Variants in ZMYM4 observed in about 807,000 individuals in gnomAD.
The protein encoded by ZMYM4 is zinc finger MYM-type containing 4.
A neutral mutation model predicts 183.2 loss-of-function variants in ZMYM4; 31 were observed. The ratio of observed to expected loss-of-function variants is 0.17; its 90% CI spans 0.13 to 0.23. The LOEUF is 0.23. Ranked by LOEUF, ZMYM4 falls within the 10% of genes least tolerant of loss-of-function variation. The pLI, the probability that ZMYM4 is intolerant of heterozygous loss-of-function variation, is 1.00. For missense variants in ZMYM4, 1,273 were observed against 1,840.3 expected, an observed-to-expected ratio of 0.69 and a Z score of 5.64; for synonymous variants, 592 against 631.2, an observed-to-expected ratio of 0.94 and a Z score of 0.93.
At chr1:35,356,295 T>G (rs940956269) in intron 2 of ZMYM4, among the ~76,000 whole-genome samples, 2 of 152,232 alleles carry the variant, frequency 1.3e-5, no homozygotes, top group African/African-American at 4.8e-5. Flanking sequence ...TATTGACTTC[T>G]CATGCACTAT....
rs1643884043 is a variant in ZMYM4 at position 35,358,941 on chromosome 1, T to C, written c.102T>C (p.Asp34=). The C allele has an allele frequency of 6.2e-7, 1 of 1,612,258 alleles. No homozygotes were observed. The highest frequency in any genetic ancestry group is 1.1e-5 in the South Asian group (1 of 91,024). Residue 34 remains aspartate (D), a synonymous_variant, in exon 3 of 30, where the codon GAT becomes GAC. Coordinates refer to ENST00000314607, the MANE Select transcript of ZMYM4 (RefSeq NM_005095.3). ...CTTTTTAAGGTGGTGGTATCATGGA[T>C]ACAGAAATGTCTGAAGATATAGACC... ...EIVENCGGIM[D]TEMSEDIDHN... is the part of the protein sequence containing the mutation.
chr1:35,379,137 AT>A (rs1398496410), intron 7 of ZMYM4, among the ~76,000 whole-genome samples: 1 of 152,022 alleles, frequency 6.6e-6, no homozygotes, highest in Non-Finnish European at 1.5e-5. Context: ...GTGTCTCTCT[AT>A]CACCCAGGCT....
At chr1:35,372,455 C>T (rs1427479470) in intron 7 of ZMYM4, among the ~76,000 whole-genome samples, 1 of 152,062 alleles carries the variant, frequency 6.6e-6, no homozygotes, top group African/African-American at 2.4e-5. Flanking sequence ...ATGTATTGTA[C>T]AATATGGTGA....
intron 5 of ZMYM4, among the ~76,000 whole-genome samples, chr1:35,366,881 G>A (rs914037460): frequency 2.6e-5 from 4 of 152,028 alleles, no homozygotes; most frequent in Non-Finnish European, 5.9e-5. Flanking sequence ...GAAATTAGCC[G>A]GGCGTGGTGG....
chr1:35,416,438 A>G (rs1640115044), intron 28 of ZMYM4, among the ~76,000 whole-genome samples: 1 of 152,214 alleles, frequency 6.6e-6, no homozygotes, highest in Non-Finnish European at 1.5e-5. Context: ...GTGATGTTCA[A>G]CTTTGTATAA....
chr1:35,271,135 C>T (rs554068852), intron 1 of ZMYM4, among the ~76,000 whole-genome samples: 1 of 152,262 alleles, frequency 6.6e-6, no homozygotes, highest in South Asian at 2.1e-4. Context: ...TGAAAATATA[C>T]AGGGTAAATT....
intron 13 of ZMYM4, among the ~76,000 whole-genome samples, chr1:35,387,977 A>G (rs575835483): frequency 6.6e-6 from 1 of 152,208 alleles, no homozygotes; most frequent in Non-Finnish European, 1.5e-5. Context: ...ATTGTCTTAA[A>G]CAGCCATTAT....
intron 1 of ZMYM4, among the ~76,000 whole-genome samples, chr1:35,272,484 A>G (rs920386169): frequency 6.6e-6 from 1 of 152,174 alleles, no homozygotes; most frequent in South Asian, 2.1e-4. Flanking sequence ...TGTGACCTCT[A>G]CACAGTAGGA....
chr1:35,385,361 G>A, intron 9 of ZMYM4, 81 bp from the exon 10 acceptor site: 1 of 1,375,034 alleles, frequency 7.3e-7, no homozygotes, highest in Non-Finnish European at 9.9e-7. Flanking sequence ...TATTTCAAAA[G>A]TGTTGAGTAT....
chr1:35,376,176 A>G (rs1173706828), intron 7 of ZMYM4, among the ~76,000 whole-genome samples: 1 of 152,228 alleles, frequency 6.6e-6, no homozygotes, highest in Non-Finnish European at 1.5e-5. Flanking sequence ...TGATATTCAA[A>G]GAAGTAACAC....
At chr1:35,408,542 AG>A (rs1375528648) in intron 26 of ZMYM4, among the ~76,000 whole-genome samples, 1 of 152,262 alleles carries the variant, frequency 6.6e-6, no homozygotes, top group Admixed American at 6.5e-5. Flanking sequence ...ATGCAAGACC[AG>A]CCTGGGCAAC....
intron 2 of ZMYM4, among the ~76,000 whole-genome samples, chr1:35,347,169 C>G (rs2148874590): frequency 6.6e-6 from 1 of 152,296 alleles, no homozygotes; most frequent in Non-Finnish European, 1.5e-5. Context: ...CCACACCTGG[C>G]TAATTACTTG....
At chr1:35,305,033 A>T (rs765482998) in intron 1 of ZMYM4, among the ~76,000 whole-genome samples, 15 of 152,066 alleles carry the variant, frequency 9.9e-5, no homozygotes, top group South Asian at 2.1e-4. Flanking sequence ...TTTAGTAGAG[A>T]TGGGGTTTCA....
intron 1 of ZMYM4, among the ~76,000 whole-genome samples, chr1:35,281,073 A>G (rs964990985): frequency 5.9e-5 from 9 of 152,194 alleles, no homozygotes; most frequent in African/African-American, 2.2e-4. Context: ...ACACGAGGTC[A>G]GGAGATCGAG....
At chr1:35,351,266 T>C in intron 2 of ZMYM4, 8 of 1,580,930 alleles carry the variant, frequency 5.1e-6, no homozygotes, top group South Asian at 4.4e-5. Context: ...TCCCTGGTTA[T>C]GATTCTGAAA....
chr1:35,331,801 A>AATAC (rs1047149357), intron 2 of ZMYM4, among the ~76,000 whole-genome samples: 3 of 129,058 alleles, frequency 2.3e-5, no homozygotes, highest in Admixed American at 7.6e-5. Context: ...AAAATACATA[A>AATAC]ATAAATAAAT....
intron 25 of ZMYM4, among the ~76,000 whole-genome samples, chr1:35,407,346 C>G (rs1645021621): frequency 6.6e-6 from 1 of 151,340 alleles, no homozygotes; most frequent in Non-Finnish European, 1.5e-5. Context: ...ATAGGAGAAT[C>G]ACTTGAACCC....
Position 35,293,161 on chromosome 1 carries a change from C to T in ZMYM4, c.39+24076C>T, listed in dbSNP as rs185373869. Among the ~76,000 whole-genome samples the T allele has an allele frequency of 1.1e-4, 17 of 151,880 alleles. No individual in the cohort carries two copies. In the East Asian group the frequency reaches 2.5e-3, roughly 23 times the overall value. On this transcript the variant is annotated intron_variant, in intron 1 of 29. Transcript: ENST00000314607. ...GACTATAGGTACCTGCCACCATGCTCGGCTAATTTTTTTTTCTATTTGTTG... is the reference window on the plus strand; with the variant it reads ...GACTATAGGTACCTGCCACCATGCTTGGCTAATTTTTTTTTCTATTTGTTG...
At position 35,371,106 on chromosome 1, in the gene ZMYM4, T is replaced by C. The variant is rs1024774697; in HGVS notation, c.1181+479T>C. Among the ~76,000 whole-genome samples, 93 of 97,582 alleles carry C rather than the reference T, an allele frequency of 9.5e-4. No homozygotes were observed. In the East Asian group the frequency reaches 0.013, roughly 14 times the overall value. The allele number at this position is 97,582 out of a possible 152,430, so 64.0% of individuals were successfully genotyped here. A position where few individuals can be genotyped will look rare whatever the true frequency, so the allele number is the denominator to read the frequency against. The stretch of plus-strand genomic sequence containing the variant: ...GTGTGTGTGTGTGTGTGTGTGTGTG[T>C]GCGCACATTTATTTATTTATTTATT... On this transcript the variant is annotated intron_variant, in intron 7 of 29. Coordinates refer to ENST00000314607, the MANE Select transcript of ZMYM4 (RefSeq NM_005095.3).
Sources: allele counts gnomAD v4.1 joint callset (sites outside exome capture counted in the v4.1 genomes callset), GRCh38; gene constraint gnomAD v4.1.1; transcripts MANE v1.5; gene names NCBI Gene and HGNC (gene_info 2026-07-23, HGNC 2026-07-21).